Variants in FKBP5 observed in about 807,000 individuals in gnomAD.
FKBP5 encodes the protein peptidyl-prolyl cis-trans isomerase FKBP5.
FKBP5 carries 23 observed loss-of-function variants against 50.5 expected under a neutral mutation model. That is an observed-to-expected ratio of 0.46 (90% CI 0.33 to 0.65). The LOEUF (loss-of-function observed/expected upper bound fraction) is 0.65. FKBP5 is among the 30% of genes least tolerant of loss of function. The pLI is 0.02. For missense variants in FKBP5, 411 were observed against 553.1 expected, an observed-to-expected ratio of 0.74 and a Z score of 2.58; for synonymous variants, 176 against 190.6, an observed-to-expected ratio of 0.92 and a Z score of 0.63.
At chr6:35,652,912 TTC>T (rs1288997923) in intron 1 of FKBP5, among the ~76,000 whole-genome samples, 3 of 152,176 alleles carry the variant, frequency 2.0e-5, no homozygotes, top group Non-Finnish European at 2.9e-5. Flanking sequence ...GCTTTAAAAT[TTC>T]TCTCTTTTGT....
chr6:35,652,170 A>C (rs1016055206), intron 1 of FKBP5, among the ~76,000 whole-genome samples: 2 of 152,336 alleles, frequency 1.3e-5, no homozygotes, highest in South Asian at 4.1e-4. Flanking sequence ...CTTTACTTTA[A>C]TCTCTTAATC....
At chr6:35,625,857 G>A (rs1311766894) in intron 3 of FKBP5, among the ~76,000 whole-genome samples, 1 of 150,036 alleles carries the variant, frequency 6.7e-6, no homozygotes, top group South Asian at 2.1e-4. Context: ...TCTGCTCACC[G>A]CAAGCTCCGC....
intron 5 of FKBP5, among the ~76,000 whole-genome samples, chr6:35,597,923 C>A (rs1019369242): frequency 4.6e-5 from 7 of 152,174 alleles, no homozygotes; most frequent in Non-Finnish European, 8.8e-5. Context: ...ACAAATATAT[C>A]TGAATAAAAA....
At chr6:35,576,498 C>A (rs1046124270) in intron 10 of FKBP5, among the ~76,000 whole-genome samples, 1 of 152,054 alleles carries the variant, frequency 6.6e-6, no homozygotes, top group African/African-American at 2.4e-5. Context: ...AAAGTGAAAC[C>A]CTATCTTTAC....
chr6:35,593,657 C>T (rs148915836), intron 6 of FKBP5, among the ~76,000 whole-genome samples: 3 of 152,202 alleles, frequency 2.0e-5, no homozygotes, highest in South Asian at 4.1e-4. Context: ...TGGGTTCAAG[C>T]GATTCTCCTG....
intron 1 of FKBP5, among the ~76,000 whole-genome samples, chr6:35,683,100 GTGTGTATATATATACGTATA>G (rs1765718357): frequency 1.3e-5 from 2 of 148,440 alleles, no homozygotes; most frequent in East Asian, 2.0e-4. Flanking sequence ...AAAAAAGTGT[GTGTGTATATATATACGTATA>G]TGTGTGTGTG....
intron 5 of FKBP5, among the ~76,000 whole-genome samples, chr6:35,604,751 A>G (rs1043208062): frequency 2.6e-4 from 39 of 151,672 alleles, no homozygotes; most frequent in African/African-American, 9.2e-4. Context: ...GTAATCACTG[A>G]TATGAGTGGT....
intron 1 of FKBP5, among the ~76,000 whole-genome samples, chr6:35,722,477 G>A (rs1766628804): frequency 6.6e-6 from 1 of 152,170 alleles, no homozygotes; most frequent in South Asian, 2.1e-4. Flanking sequence ...CCGGGCTGCA[G>A]GGAACCATGA....
intron 2 of FKBP5, among the ~76,000 whole-genome samples, chr6:35,712,683 C>T (rs564616667): frequency 2.0e-5 from 3 of 152,226 alleles, no homozygotes; most frequent in Admixed American, 6.5e-5. Flanking sequence ...TCATGCAAAC[C>T]GCCAACAGGT....
intron 8 of FKBP5, chr6:35,585,746 A>C (rs936841560): frequency 4.1e-6 from 4 of 983,074 alleles, no homozygotes; most frequent in Non-Finnish European, 3.6e-6. Context: ...ATACACAAGC[A>C]AAGTTTTATG....
At chr6:35,628,635 T>A (rs994284331) in intron 3 of FKBP5, among the ~76,000 whole-genome samples, 1 of 152,238 alleles carries the variant, frequency 6.6e-6, no homozygotes, top group Non-Finnish European at 1.5e-5. Flanking sequence ...ATATAACAGA[T>A]AATACAGAAA....
At chr6:35,644,476 A>G (rs1764576164) in intron 1 of FKBP5, among the ~76,000 whole-genome samples, 1 of 152,240 alleles carries the variant, frequency 6.6e-6, no homozygotes, top group Non-Finnish European at 1.5e-5. Flanking sequence ...ACCACTATTC[A>G]GTTCAACAGA....
At chr6:35,711,696 G>A (rs1391383789) in intron 2 of FKBP5, among the ~76,000 whole-genome samples, 1 of 152,024 alleles carries the variant, frequency 6.6e-6, no homozygotes, top group African/African-American at 2.4e-5. Flanking sequence ...TTAGAGTGGA[G>A]GAATTAATCT....
upstream of FKBP5, among the ~76,000 whole-genome samples, chr6:35,692,314 G>T (rs1239253374): frequency 6.6e-6 from 1 of 152,074 alleles, no homozygotes; most frequent in Admixed American, 6.5e-5. Flanking sequence ...GTAGGCCAGT[G>T]TTACTCTTTA....
intron 5 of FKBP5, among the ~76,000 whole-genome samples, chr6:35,600,262 A>G (rs1763104262): frequency 6.6e-6 from 1 of 152,038 alleles, no homozygotes; most frequent in Non-Finnish European, 1.5e-5. Context: ...AGATATTTTT[A>G]CTGAATTCGC....
chr6:35,581,689 G>A (rs1762437638), intron 8 of FKBP5: 3 of 985,292 alleles, frequency 3.0e-6, no homozygotes, highest in African/African-American at 3.5e-5. Flanking sequence ...GGGAATCGCT[G>A]GTAAATACGC....
chr6:35,579,699 T>C (rs941680573), intron 9 of FKBP5, among the ~76,000 whole-genome samples: 14 of 152,318 alleles, frequency 9.2e-5, no homozygotes, highest in Non-Finnish European at 1.8e-4. Flanking sequence ...TTAAATCTTC[T>C]CTTATTAAAC....
intron 6 of FKBP5, among the ~76,000 whole-genome samples, chr6:35,594,710 A>G (rs572990486): frequency 4.7e-5 from 7 of 149,548 alleles, no homozygotes; most frequent in Non-Finnish European, 7.4e-5. Context: ...GGTTTTCTAC[A>G]TATATATGTA....
intron 5 of FKBP5, among the ~76,000 whole-genome samples, chr6:35,610,484 C>T (rs1340279161): frequency 1.5e-5 from 2 of 131,268 alleles, no homozygotes; most frequent in Non-Finnish European, 3.1e-5. Flanking sequence ...AGGAGAATGG[C>T]GTGAACCCGA....
Sources: allele counts gnomAD v4.1 joint callset (sites outside exome capture counted in the v4.1 genomes callset), GRCh38; gene constraint gnomAD v4.1.1; transcripts MANE v1.5; gene names NCBI Gene and HGNC (gene_info 2026-07-23, HGNC 2026-07-21).